HS6ST3: variants seen among roughly 807,000 people sequenced by gnomAD.
The protein encoded by HS6ST3 is heparan-sulfate 6-O-sulfotransferase 3.
In HS6ST3, 12 loss-of-function variants were observed where a neutral mutation model predicts 36.7. The ratio of observed to expected loss-of-function variants is 0.33; its 90% CI spans 0.21 to 0.53. HS6ST3 has a LOEUF of 0.53. HS6ST3 is among the 20% of genes least tolerant of loss of function. HS6ST3 has a pLI of 0.95. For missense variants in HS6ST3, 584 were observed against 640.9 expected, an observed-to-expected ratio of 0.91 and a Z score of 0.96; for synonymous variants, 240 against 257.5, an observed-to-expected ratio of 0.93 and a Z score of 0.65.
chr13:96,434,046 G>A (rs2055629615), intron 1 of HS6ST3, among the ~76,000 whole-genome samples: 1 of 152,156 alleles, frequency 6.6e-6, no homozygotes, highest in African/African-American at 2.4e-5. Flanking sequence ...TTAAGACCAT[G>A]AGAAGAAACA....
intron 1 of HS6ST3, among the ~76,000 whole-genome samples, chr13:96,183,095 GT>G (rs1172816701): frequency 6.6e-6 from 1 of 152,142 alleles, no homozygotes; most frequent in Non-Finnish European, 1.5e-5. Context: ...ACCAAATGTT[GT>G]GGATAATAAC....
chr13:96,513,634 A>G (rs2138921641), intron 1 of HS6ST3, among the ~76,000 whole-genome samples: 2 of 152,216 alleles, frequency 1.3e-5, no homozygotes, highest in Middle Eastern at 6.8e-3. Flanking sequence ...TTTCTTTAAA[A>G]TCATCATACT....
intron 1 of HS6ST3, among the ~76,000 whole-genome samples, chr13:96,678,993 G>A (rs188094811): frequency 6.6e-6 from 1 of 151,636 alleles, no homozygotes; most frequent in Admixed American, 6.6e-5. Context: ...CCTCACCCTG[G>A]GTGTGGAGAT....
intron 1 of HS6ST3, among the ~76,000 whole-genome samples, chr13:96,577,203 C>G (rs771218002): frequency 6.6e-6 from 1 of 152,028 alleles, no homozygotes; most frequent in Admixed American, 6.6e-5. Flanking sequence ...GTGTGATGTT[C>G]TCCTGCCTGT....
At chr13:96,564,340 C>T (rs552613136) in intron 1 of HS6ST3, among the ~76,000 whole-genome samples, 1 of 152,192 alleles carries the variant, frequency 6.6e-6, no homozygotes, top group Non-Finnish European at 1.5e-5. Flanking sequence ...ACTATTTTTT[C>T]CCCTTTGTGG....
chr13:96,748,241 C>T (rs1230870252), intron 1 of HS6ST3, among the ~76,000 whole-genome samples: 1 of 152,054 alleles, frequency 6.6e-6, no homozygotes, highest in African/African-American at 2.4e-5. Flanking sequence ...CTCTGTACCT[C>T]TGCTTGGATC....
chr13:96,508,249 G>A (rs186216520), intron 1 of HS6ST3, among the ~76,000 whole-genome samples: 77 of 152,100 alleles, frequency 5.1e-4, no homozygotes, highest in Non-Finnish European at 1.5e-4. Context: ...CTGAACTCAA[G>A]TCTTTCTACT....
At chr13:96,183,481 T>C (rs1159422654) in intron 1 of HS6ST3, among the ~76,000 whole-genome samples, 1 of 152,152 alleles carries the variant, frequency 6.6e-6, no homozygotes, top group African/African-American at 2.4e-5. Context: ...CCCACCCCCT[T>C]CTAATTATAA....
At chr13:96,278,406 T>A (rs1393029496) in intron 1 of HS6ST3, among the ~76,000 whole-genome samples, 1 of 152,194 alleles carries the variant, frequency 6.6e-6, no homozygotes, top group African/African-American at 2.4e-5. Context: ...TCATTTGCAG[T>A]GCCACTGGCA....
At chr13:96,635,251 G>A (rs1246117973) in intron 1 of HS6ST3, among the ~76,000 whole-genome samples, 1 of 72,942 alleles carries the variant, frequency 1.4e-5, no homozygotes, top group Non-Finnish European at 2.6e-5. Flanking sequence ...TTTTTCATAA[G>A]ATGTAAGTTT....
chr13:96,486,454 A>G (rs1458892800), intron 1 of HS6ST3, among the ~76,000 whole-genome samples: 1 of 152,144 alleles, frequency 6.6e-6, no homozygotes, highest in Non-Finnish European at 1.5e-5. Flanking sequence ...GTCTTCCACA[A>G]TGGTTGAACT....
intron 1 of HS6ST3, among the ~76,000 whole-genome samples, chr13:96,680,210 C>CTT (rs1566428096): frequency 6.6e-6 from 1 of 152,106 alleles, no homozygotes; most frequent in African/African-American, 2.4e-5. Context: ...GCCTCTCAAT[C>CTT]ATTTTCTGCA....
At chr13:96,436,399 T>C (rs1027569536) in intron 1 of HS6ST3, among the ~76,000 whole-genome samples, 1 of 152,240 alleles carries the variant, frequency 6.6e-6, no homozygotes, top group African/African-American at 2.4e-5. Flanking sequence ...AATGGTATCA[T>C]GCTTTCTTCA....
intron 1 of HS6ST3, among the ~76,000 whole-genome samples, chr13:96,627,586 G>A (rs893188647): frequency 6.6e-6 from 1 of 151,892 alleles, no homozygotes; most frequent in African/African-American, 2.4e-5. Flanking sequence ...AGTGGTTTGT[G>A]TATGCCTAGT....
intron 1 of HS6ST3, among the ~76,000 whole-genome samples, chr13:96,454,462 G>A (rs9582047): frequency 0.3 from 45,236 of 151,956 alleles, 7,082 homozygotes; most frequent in South Asian, 0.46. Flanking sequence ...GAACGACTTA[G>A]CATTTATCTC....
chr13:96,210,200 T>A (rs1298746659), intron 1 of HS6ST3, among the ~76,000 whole-genome samples: 1 of 152,262 alleles, frequency 6.6e-6, no homozygotes, highest in Admixed American at 6.5e-5. Flanking sequence ...AAGCAGGAAG[T>A]ATTTTGTACC....
chr13:96,225,164 C>T (rs553187125), intron 1 of HS6ST3, among the ~76,000 whole-genome samples: 22 of 152,282 alleles, frequency 1.4e-4, no homozygotes, highest in African/African-American at 5.1e-4. Flanking sequence ...ATTGGTCACA[C>T]CTGACAGGTT....
chr13:96,660,590 G>A (rs553813674), intron 1 of HS6ST3, among the ~76,000 whole-genome samples: 1 of 152,072 alleles, frequency 6.6e-6, no homozygotes, highest in Non-Finnish European at 1.5e-5. Flanking sequence ...GAAAACACAG[G>A]GTGAAAGCTC....
intron 1 of HS6ST3, among the ~76,000 whole-genome samples, chr13:96,452,812 AT>A (rs1431315958): frequency 6.6e-6 from 1 of 151,838 alleles, no homozygotes; most frequent in African/African-American, 2.4e-5. Context: ...TGTGTTTTTT[AT>A]TTCCCCCCCA....
Sources: gnomAD v4.1 joint callset for allele counts (sites outside exome capture counted in the v4.1 genomes callset) on GRCh38, gnomAD v4.1.1 for gene constraint, MANE v1.5 for transcripts, NCBI Gene and HGNC (gene_info 2026-07-23, HGNC 2026-07-21) for gene names.